The following CTNNA3 variants were observed in gnomAD, a reference collection of about 807,000 sequenced individuals.
CTNNA3 encodes catenin alpha-3.
A neutral mutation model predicts 95.7 loss-of-function variants in CTNNA3; 76 were observed. The ratio of observed to expected loss-of-function variants is 0.79; its 90% CI spans 0.66 to 0.96. The LOEUF (loss-of-function observed/expected upper bound fraction) is 0.96, where lower values mean the gene tolerates loss of function less well. Ranked by LOEUF, CTNNA3 falls within the 40% of genes least tolerant of loss-of-function variation. The pLI is 0.00. For synonymous variants in CTNNA3, 431 were observed against 374.4 expected (o/e 1.15, Z -1.74); for missense variants, 1,191 against 1,089.8 (o/e 1.09, Z -1.31).
intron 9 of CTNNA3, among the ~76,000 whole-genome samples, chr10:66,652,170 A>G (rs1845933537): frequency 6.6e-6 from 1 of 151,782 alleles, no homozygotes; most frequent in Non-Finnish European, 1.5e-5. Context: ...CAGAGCAGAA[A>G]TAAATGAAAT....
intron 7 of CTNNA3, among the ~76,000 whole-genome samples, chr10:67,106,993 C>G (rs1244749315): frequency 6.6e-6 from 1 of 152,128 alleles, no homozygotes; most frequent in Non-Finnish European, 1.5e-5. Flanking sequence ...CAATCATAAA[C>G]AGCAGTTAGG....
chr10:66,763,339 C>A (rs12255441), intron 9 of CTNNA3, among the ~76,000 whole-genome samples: 1 of 128,764 alleles, frequency 7.8e-6, no homozygotes, highest in Admixed American at 8.3e-5. Context: ...CACACACACA[C>A]ACAGAGAGAG....
chr10:67,398,719 C>T (rs766869940), intron 5 of CTNNA3, among the ~76,000 whole-genome samples: 3 of 152,050 alleles, frequency 2.0e-5, no homozygotes, highest in Admixed American at 1.3e-4. Flanking sequence ...TGGGAGGGTA[C>T]CTGGTGGGAG....
intron 12 of CTNNA3, among the ~76,000 whole-genome samples, chr10:66,314,906 T>C (rs562488925): frequency 3.9e-5 from 6 of 152,192 alleles, no homozygotes; most frequent in Non-Finnish European, 5.9e-5. Context: ...GTTGTGTCTG[T>C]CAGTGCAAAA....
intron 13 of CTNNA3, among the ~76,000 whole-genome samples, chr10:66,203,640 T>A (rs2087573340): frequency 6.6e-6 from 1 of 152,064 alleles, no homozygotes; most frequent in South Asian, 2.1e-4. Context: ...TTATAATTAA[T>A]TTTTTTCTTT....
At chr10:67,364,844 T>C (rs979541720) in intron 5 of CTNNA3, among the ~76,000 whole-genome samples, 1 of 152,202 alleles carries the variant, frequency 6.6e-6, no homozygotes, top group Non-Finnish European at 1.5e-5. Flanking sequence ...AAGCTACCAC[T>C]GACTTTCTTC....
intron 12 of CTNNA3, among the ~76,000 whole-genome samples, chr10:66,343,102 A>G (rs1270495699): frequency 1.3e-5 from 2 of 152,120 alleles, no homozygotes; most frequent in Non-Finnish European, 1.5e-5. Flanking sequence ...ATGTGGAGAA[A>G]AAGGAACTCA....
intron 10 of CTNNA3, among the ~76,000 whole-genome samples, chr10:66,529,730 A>C (rs74141584): frequency 0.044 from 6,625 of 152,174 alleles, 192 homozygotes; most frequent in South Asian, 0.067. Context: ...CCCCTGAGAA[A>C]GATCTTATCA....
intron 5 of CTNNA3, among the ~76,000 whole-genome samples, chr10:67,296,442 T>A (rs1056832450): frequency 6.6e-6 from 1 of 152,222 alleles, no homozygotes; most frequent in Non-Finnish European, 1.5e-5. Flanking sequence ...TTTATGGGTA[T>A]ACCATGGAGA....
chr10:67,376,768 T>C (rs1843708434), intron 5 of CTNNA3, among the ~76,000 whole-genome samples: 1 of 152,176 alleles, frequency 6.6e-6, no homozygotes, highest in Non-Finnish European at 1.5e-5. Context: ...GTGAAAAATC[T>C]TGGAAACCCT....
chr10:66,133,594 GA>G (rs923326897), intron 13 of CTNNA3, among the ~76,000 whole-genome samples: 156 of 144,320 alleles, frequency 1.1e-3, no homozygotes, highest in Middle Eastern at 3.5e-3. Context: ...GAATATCCTG[GA>G]AAAAAAAAAA....
intron 7 of CTNNA3, among the ~76,000 whole-genome samples, chr10:67,118,586 A>T (rs550928655): frequency 1.3e-5 from 2 of 152,104 alleles, no homozygotes; most frequent in East Asian, 1.9e-4. Context: ...CCCAAAGTTA[A>T]TTATTGTGCA....
intron 7 of CTNNA3, among the ~76,000 whole-genome samples, chr10:66,944,527 T>G (rs754315855): frequency 1.3e-5 from 2 of 152,322 alleles, no homozygotes; most frequent in Middle Eastern, 3.4e-3. Context: ...CTTCCTCTCA[T>G]GAATCACGAA....
At chr10:65,986,072 A>C (rs2078420885) in intron 16 of CTNNA3, among the ~76,000 whole-genome samples, 1 of 151,470 alleles carries the variant, frequency 6.6e-6, no homozygotes, top group African/African-American at 2.4e-5. Flanking sequence ...AAAATGTCAA[A>C]AGTGTAATAA....
chr10:67,037,741 G>A (rs1005963156), intron 7 of CTNNA3, among the ~76,000 whole-genome samples: 1 of 152,176 alleles, frequency 6.6e-6, no homozygotes, highest in African/African-American at 2.4e-5. Flanking sequence ...GTGAGAGGAG[G>A]AGGAATCAAG....
intron 10 of CTNNA3, among the ~76,000 whole-genome samples, chr10:66,533,405 T>C (rs972110041): frequency 6.6e-6 from 1 of 152,078 alleles, no homozygotes; most frequent in Admixed American, 6.6e-5. Context: ...CAAATCTAGG[T>C]CAGGTTCCTG....
intron 1 of CTNNA3, among the ~76,000 whole-genome samples, chr10:67,711,285 T>C (rs1358405277): frequency 6.6e-6 from 1 of 152,016 alleles, no homozygotes; most frequent in African/African-American, 2.4e-5. Flanking sequence ...TGGAACTGGG[T>C]AATAGGCAGA....
chr10:66,525,658 A>G (rs1014443391), intron 10 of CTNNA3, among the ~76,000 whole-genome samples: 1 of 152,170 alleles, frequency 6.6e-6, no homozygotes, highest in Non-Finnish European at 1.5e-5. Flanking sequence ...AAAGAGAGAG[A>G]GAAAGAATAT....
At chr10:67,031,312 A>G (rs961178583) in intron 7 of CTNNA3, among the ~76,000 whole-genome samples, 1 of 152,196 alleles carries the variant, frequency 6.6e-6, no homozygotes, top group Non-Finnish European at 1.5e-5. Flanking sequence ...GTAACAGAGA[A>G]GGGAAAAAAT....
Sources: gnomAD v4.1 joint callset for allele counts (sites outside exome capture counted in the v4.1 genomes callset) on GRCh38, gnomAD v4.1.1 for gene constraint, MANE v1.5 for transcripts, NCBI Gene and HGNC (gene_info 2026-07-23, HGNC 2026-07-21) for gene names.